The following SSMEM1 variants were observed in gnomAD, a reference collection of about 807,000 sequenced individuals.
SSMEM1 encodes serine-rich single-pass membrane protein 1.
Under a neutral mutation model 9.9 loss-of-function variants are expected in SSMEM1, and 12 were observed. The ratio of observed to expected loss-of-function variants is 1.21; its 90% CI spans 0.78 to 1.96. SSMEM1 has a LOEUF of 1.96. Among genes scored for constraint, SSMEM1 ranks in the 30% most tolerant of loss-of-function variants. The pLI, the probability that SSMEM1 is intolerant of heterozygous loss-of-function variation, is 0.00. For synonymous variants in SSMEM1, 96 were observed against 98.9 expected (o/e 0.97, Z 0.17); for missense variants, 259 against 292.2 (o/e 0.89, Z 0.83).
chr7:130,213,896 G>C (rs1416331093), intron 2 of SSMEM1, among the ~76,000 whole-genome samples: 1 of 152,154 alleles, frequency 6.6e-6, no homozygotes, highest in African/African-American at 2.4e-5. Flanking sequence ...CAGAGGGACA[G>C]TTTAGCTGCT....
chr7:130,216,621 A>C lies in SSMEM1; in HGVS notation c.*151A>C. ...CTTGGAACCCAAGAGGTAAAATCTC[A>C]CACAATTCTTCGTTCAAAAAAAAAA... On this transcript the variant is annotated 3_prime_UTR_variant, in exon 3 of 3. Transcript: ENST00000297819. 2.3e-4 allele frequency: 226 copies of C among 969,016 alleles called. No individual in the cohort carries two copies. The highest frequency in any genetic ancestry group is 3.4e-4 in the Middle Eastern group (1 of 2,956). 60.0% of individuals were successfully genotyped at this position (969,016 alleles called of 1,614,324 possible).
rs1433099687 is a variant in SSMEM1, at chr7:130,213,696, A to C, written c.238+162A>C. Among the ~76,000 whole-genome samples, 126 of 143,738 alleles carry C rather than the reference A, an allele frequency of 8.8e-4. 2 individuals are homozygous for C. The highest frequency in any genetic ancestry group is 3.6e-3 in the Middle Eastern group (1 of 280). The allele number at this position is 143,738 out of a possible 152,430, so 94.3% of individuals were successfully genotyped here. A position where few individuals can be genotyped will look rare whatever the true frequency, so the allele number is the denominator to read the frequency against. On this transcript the variant is annotated intron_variant, in intron 2 of 2. Coordinates refer to ENST00000297819, the MANE Select transcript of SSMEM1 (RefSeq NM_145268.4). ...GAACATAGTGAGACCCAGTACCAAA[A>C]AAAAAAAAAAAAAAAAAAGAAAAGA...
In SSMEM1 at chr7:130,216,046, C is replaced by A. The variant is rs1450063119; in HGVS notation, c.311C>A (p.Pro104Gln). The A allele has an allele frequency of 3.7e-6, 6 of 1,614,164 alleles. No individual in the cohort carries two copies. Among genetic ancestry groups the A allele is most frequent in the Admixed American group, 1.7e-5 (1 of 60,008 alleles). ...GATCCCTCACAAACAATGAAGAAAC[C>A]AAAGCAGAACCAACTTACCCCTGTA... is the stretch of plus-strand genomic sequence containing the variant. The part of the protein sequence containing the change: ...AWDPSQTMKK[P>Q]KQNQLTPVTN... Residue 104 changes from proline (P) to glutamine (Q), a missense_variant, in exon 3 of 3, where the codon CCA (proline) becomes CAA (glutamine). Pro to Gln is a moderately conservative substitution (Grantham distance 76). Coordinates refer to ENST00000297819, the MANE Select transcript of SSMEM1 (RefSeq NM_145268.4).
intron 2 of SSMEM1, among the ~76,000 whole-genome samples, 155 bp downstream of exon 2, chr7:130,213,689 T>TG (rs1798641768): frequency 1.6e-5 from 1 of 62,618 alleles, no homozygotes; most frequent in African/African-American, 6.2e-5. Flanking sequence ...TGAGACCCAG[T>TG]ACCAAAAAAA....
intron 1 of SSMEM1, among the ~76,000 whole-genome samples, chr7:130,212,762 A>T (rs1227954896): frequency 6.6e-6 from 1 of 151,884 alleles, no homozygotes; most frequent in South Asian, 2.1e-4. Flanking sequence ...AAAACAAAAC[A>T]AAAAAACAAC....
At chr7:130,208,517 A>G (rs1022060213) in intron 1 of SSMEM1, among the ~76,000 whole-genome samples, 3 of 152,338 alleles carry the variant, frequency 2.0e-5, no homozygotes, top group South Asian at 2.1e-4. Context: ...ATAATTTTCT[A>G]TATTTTGATT....
At chr7:130,210,090 G>A (rs888029422) in intron 1 of SSMEM1, among the ~76,000 whole-genome samples, 1 of 152,192 alleles carries the variant, frequency 6.6e-6, no homozygotes, top group Non-Finnish European at 1.5e-5. Context: ...AGTGACAGAA[G>A]GGGAATATAC....
At chr7:130,214,662 A>G (rs1798668961) in intron 2 of SSMEM1, among the ~76,000 whole-genome samples, 1 of 152,170 alleles carries the variant, frequency 6.6e-6, no homozygotes, top group Admixed American at 6.5e-5. Flanking sequence ...AGCAGAAGAT[A>G]GATGTATGTT....
In SSMEM1 at chr7:130,216,646, AAG is replaced by A. The variant is rs1798716486; in HGVS notation, c.*177_*178del. The A allele has an allele frequency of 6.4e-6, 5 of 783,742 alleles. No homozygotes were observed. The South Asian group carries it at 9.8e-5, about 15-fold the overall frequency. The allele number at this position is 783,742 out of a possible 1,614,324, so 48.5% of individuals were successfully genotyped here. ...ACACAATTCTTCGTTCAAAAAAAAA[AAG>A]GCCATCACGTGTTTATGGCACCATT... On this transcript the variant is annotated 3_prime_UTR_variant, in exon 3 of 3. Coordinates refer to ENST00000297819, the MANE Select transcript of SSMEM1 (RefSeq NM_145268.4).
chr7:130,213,451 A>G (rs1302971591), intron 1 of SSMEM1, 29 bp from the exon 2 acceptor site: 2 of 1,598,608 alleles, frequency 1.3e-6, no homozygotes, highest in Non-Finnish European at 8.6e-7. Flanking sequence ...AACTGAGATC[A>G]CTCTTACTAA....
At chr7:130,208,121 AAT>A in intron 1 of SSMEM1, 28 bp downstream of exon 1, 1 of 1,578,708 alleles carries the variant, frequency 6.3e-7, no homozygotes. Flanking sequence ...CATTTTAAAT[AAT>A]ATGTTTACTG....
chr7:130,210,678 C>T (rs896618149), intron 1 of SSMEM1, among the ~76,000 whole-genome samples: 4 of 152,190 alleles, frequency 2.6e-5, no homozygotes, highest in African/African-American at 7.2e-5. Flanking sequence ...GAGCCACGGC[C>T]CACATTTTCT....
At chr7:130,205,958 G>A (rs1195504990), upstream of SSMEM1, among the ~76,000 whole-genome samples, 2 of 152,040 alleles carry the variant, frequency 1.3e-5, no homozygotes, top group East Asian at 1.9e-4. Flanking sequence ...GCCTCCCACC[G>A]CCTTTTGGGA....
At chr7:130,215,565 C>T (rs2117065302) in intron 2 of SSMEM1, among the ~76,000 whole-genome samples, 1 of 152,310 alleles carries the variant, frequency 6.6e-6, no homozygotes, top group Middle Eastern at 3.4e-3. Flanking sequence ...TACAAGCCAA[C>T]TTCCTCACAC....
intron 2 of SSMEM1, 21 bp from the exon 3 acceptor site, chr7:130,215,953 A>G: frequency 1.9e-6 from 3 of 1,610,004 alleles, no homozygotes; most frequent in Non-Finnish European, 2.5e-6. Context: ...TACTAACTTG[A>G]TATGTTTCAT....
rs2117067386 is a variant in SSMEM1 at position 130,216,418 on chromosome 7, G to A, written c.683G>A (p.Ser228Asn). The A allele has an allele frequency of 6.2e-7, 1 of 1,614,158 alleles. No individual in the cohort carries two copies. Among genetic ancestry groups the A allele is most frequent in the Non-Finnish European group, 8.5e-7 (1 of 1,180,026 alleles). The change falls in exon 3 of 3, where the codon AGT (serine) becomes AAT (asparagine). Residue 228 changes from serine (S) to asparagine (N), a missense_variant. Transcript: ENST00000297819. ...PSVTPPMKRDSQEESSISDIN... is the reference protein window; with the variant it reads ...PSVTPPMKRDNQEESSISDIN... The stretch of plus-strand genomic sequence containing the variant: ...GTAACACCGCCAATGAAAAGAGACA[G>A]TCAAGAGGAAAGTTCCATATCTGAC...
At chr7:130,206,066 C>T (rs1223276285), upstream of SSMEM1, among the ~76,000 whole-genome samples, 12 of 152,270 alleles carry the variant, frequency 7.9e-5, no homozygotes, top group East Asian at 2.3e-3. Flanking sequence ...ATTGAAGTTG[C>T]TAGTGGTTTT....
upstream of SSMEM1, chr7:130,205,439 A>T: frequency 6.2e-6 from 10 of 1,612,350 alleles, no homozygotes; most frequent in South Asian, 7.7e-5. Flanking sequence ...GCCAAGCTCA[A>T]GCGGGAGGCC....
chr7:130,210,879 C>T (rs1798578530), intron 1 of SSMEM1, among the ~76,000 whole-genome samples: 1 of 152,030 alleles, frequency 6.6e-6, no homozygotes, highest in African/African-American at 2.4e-5. Context: ...TGATATAAGC[C>T]TAATAAGTGT....
Sources: gnomAD v4.1 joint callset for allele counts (sites outside exome capture counted in the v4.1 genomes callset) on GRCh38, gnomAD v4.1.1 for gene constraint, MANE v1.5 for transcripts, NCBI Gene and HGNC (gene_info 2026-07-23, HGNC 2026-07-21) for gene names.